Variants in RGS3 observed in about 807,000 individuals in gnomAD.
RGS3 encodes the protein regulator of G protein signaling 3, also known as regulator of G-protein signalling 3.
RGS3 carries 80 observed loss-of-function variants against 132.6 expected under a neutral mutation model. The ratio of observed to expected loss-of-function variants is 0.60; its 90% confidence interval spans 0.50 to 0.73. The LOEUF is 0.73. Ranked by LOEUF, RGS3 falls within the 30% of genes least tolerant of loss-of-function variation. RGS3 has a pLI of 0.00. For missense variants in RGS3, 1,382 were observed against 1,530.8 expected, an observed-to-expected ratio of 0.90 and a Z score of 1.62; for synonymous variants, 598 against 620.6, an observed-to-expected ratio of 0.96 and a Z score of 0.54.
chr9:113,532,235 C>T (rs1268386075), intron 18 of RGS3, among the ~76,000 whole-genome samples: 1 of 152,184 alleles, frequency 6.6e-6, no homozygotes, highest in East Asian at 1.9e-4. Context: ...CGAGTTGGAT[C>T]ACACCCTGGA....
intron 1 of RGS3, among the ~76,000 whole-genome samples, chr9:113,447,329 G>GTGTATATATATATATATATA (rs1554751009): frequency 4.7e-4 from 13 of 27,556 alleles, no homozygotes; most frequent in East Asian, 3.8e-3. Flanking sequence ...GTATGTATAT[G>GTGTATATATATATATATATA]TATATATATA....
chr9:113,459,930 C>T (rs1200000347), upstream of RGS3, among the ~76,000 whole-genome samples: 1 of 151,586 alleles, frequency 6.6e-6, no homozygotes, highest in African/African-American at 2.4e-5. Flanking sequence ...ATCTCAGCTA[C>T]TCGGAAGGCT....
chr9:113,530,861 T>A (rs1222238996), intron 18 of RGS3, among the ~76,000 whole-genome samples: 2 of 152,162 alleles, frequency 1.3e-5, no homozygotes, highest in African/African-American at 4.8e-5. Context: ...GTACTATAAT[T>A]CAGGGAAGAC....
intron 5 of RGS3, among the ~76,000 whole-genome samples, 191 bp downstream of exon 3, chr9:113,483,308 C>T (rs1334727549): frequency 6.6e-6 from 1 of 152,182 alleles, no homozygotes; most frequent in Non-Finnish European, 1.5e-5. Context: ...CGGCTGGGTC[C>T]CTGGGGCTTC....
At chr9:113,531,292 T>C (rs1310339909) in intron 18 of RGS3, among the ~76,000 whole-genome samples, 2 of 152,232 alleles carry the variant, frequency 1.3e-5, no homozygotes, top group East Asian at 1.9e-4. Context: ...GACTATTCTC[T>C]AACCTAGAAT....
chr9:113,594,201 C>A (rs373308593), intron 21 of RGS3: 1 of 1,612,826 alleles, frequency 6.2e-7, no homozygotes, highest in Non-Finnish European at 8.5e-7. Flanking sequence ...GCCCAGGACG[C>A]GGGGTGGGGG....
chr9:113,461,221 G>A (rs898158601), intron 1 of RGS3, among the ~76,000 whole-genome samples: 2 of 152,166 alleles, frequency 1.3e-5, no homozygotes, highest in Non-Finnish European at 2.9e-5. Context: ...TGTGTGGAGT[G>A]TGTGTGCACA....
intron 1 of RGS3, among the ~76,000 whole-genome samples, chr9:113,450,964 G>A (rs145547949): frequency 1.1e-4 from 17 of 152,196 alleles, no homozygotes; most frequent in South Asian, 2.1e-4. Flanking sequence ...CGGATCACGA[G>A]GTCAGGAGTT....
upstream of RGS3, among the ~76,000 whole-genome samples, chr9:113,458,774 CAG>C (rs1281836946): frequency 2.0e-5 from 3 of 152,042 alleles, no homozygotes; most frequent in East Asian, 1.9e-4. Flanking sequence ...TTTTTTGAGA[CAG>C]AGTCTTGCTC....
chr9:113,587,918 C>A (rs916580669), intron 20 of RGS3, among the ~76,000 whole-genome samples: 17 of 152,254 alleles, frequency 1.1e-4, no homozygotes, highest in African/African-American at 3.6e-4. Flanking sequence ...CCCCTGCCTT[C>A]CTGGCTGCTC....
In RGS3 at chr9:113,450,053, CTTTTTA is replaced by C. The variant is rs1024334702; in HGVS notation, c.-13+5137_-13+5142del. Among the ~76,000 whole-genome samples, 210 of 148,844 alleles carry C rather than the reference CTTTTTA, an allele frequency of 1.4e-3. 1 individual carries two copies. The highest frequency in any genetic ancestry group is 5.0e-3 in the African/African-American group (202 of 40,304). The stretch of plus-strand genomic sequence containing the variant: ...AGCCACCATGCCTGGCCAGATTTTG[CTTTTTA>C]TTTTTATTTTATTTATTTTTACTTT... On this transcript the variant is annotated intron_variant, in intron 1 of 25. Coordinates refer to the RGS3 transcript ENST00000374140.
At chr9:113,597,038 G>T (rs1051989728) in exon 25 of RGS3, 2 of 1,227,662 alleles carry the variant, frequency 1.6e-6, no homozygotes, top group Non-Finnish European at 2.3e-6. Flanking sequence ...TGACGGAGGG[G>T]GCAAGCAAGC....
chr9:113,559,690 C>T (rs1337166226), intron 19 of RGS3, among the ~76,000 whole-genome samples: 1 of 152,196 alleles, frequency 6.6e-6, no homozygotes, highest in Non-Finnish European at 1.5e-5. Context: ...GCCTGCTGGG[C>T]TTCCGCCTTG....
rs771230460 is a variant in RGS3, at chr9:113,463,796, G to A, written c.415+1595G>A. 4.4e-6 allele frequency: 7 copies of A among 1,607,280 alleles called. No homozygotes were observed. Among genetic ancestry groups the A allele is most frequent in the Non-Finnish European group, 5.1e-6 (6 of 1,177,638 alleles). ...AGACGCTCCTGTCCGGGTCGCAGTGGGACGCCATGGAGCGCTCCCTGCACC... is the reference window on the plus strand; with the variant it reads ...AGACGCTCCTGTCCGGGTCGCAGTGAGACGCCATGGAGCGCTCCCTGCACC... On this transcript the variant is annotated intron_variant, in intron 3 of 24. Transcript: ENST00000350696. This position sits in a 1 kb window ranked among gnomAD's most constrained non-coding sequence, Gnocchi z 4.6.
chr9:113,479,678 A>G lies in RGS3; in HGVS notation c.466+137A>G, dbSNP rs1326889508. The G allele has an allele frequency of 2.5e-5, 20 of 789,252 alleles. 1 individual carries two copies. The highest frequency in any genetic ancestry group is 9.9e-5 in the East Asian group (4 of 40,272). The allele number at this position is 789,252 out of a possible 1,614,324, so 48.9% of individuals were successfully genotyped here. ...CCTTGTATAAAGGATGTGTCCATTG[A>G]TAAAAGCCAGTATTCACCTGGGGCT... On this transcript the variant is annotated intron_variant, in intron 4 of 24. Transcript: ENST00000350696.
intron 7 of RGS3, among the ~76,000 whole-genome samples, chr9:113,486,456 G>GAC (rs1830336949): frequency 6.6e-6 from 1 of 152,246 alleles, no homozygotes; most frequent in Admixed American, 6.5e-5. Flanking sequence ...GGCAGTGCAG[G>GAC]ACACAGGAGG....
rs199923884 is a variant in RGS3 at position 113,594,911 on chromosome 9, C to A, written c.3183-8C>A. ...TGCCCTCACTGTGTTTCCTCCCTCA[C>A]CCCTCAGGCCCACCTCAGAGGAAGC... On this transcript the variant is annotated splice_polypyrimidine_tract_variant and splice_region_variant and intron_variant, in intron 22 of 24. Coordinates refer to ENST00000350696, the Ensembl canonical transcript of RGS3. The A allele has an allele frequency of 4.9e-4, 792 of 1,613,774 alleles. No individual in the cohort carries two copies. The highest frequency in any genetic ancestry group is 6.6e-4 in the Non-Finnish European group (773 of 1,179,720).
chr9:113,555,972 A>G (rs1354814815), intron 19 of RGS3, among the ~76,000 whole-genome samples: 1 of 152,100 alleles, frequency 6.6e-6, no homozygotes, highest in Non-Finnish European at 1.5e-5. Flanking sequence ...ATTTTTCCAG[A>G]AAGGGTCTGT....
At chr9:113,584,050 G>A (rs1834974779) in exon 20 of RGS3, 3 of 1,614,168 alleles carry the variant, frequency 1.9e-6, no homozygotes, top group African/African-American at 1.3e-5. Flanking sequence ...GGGAGATGAG[G>A]AGGATGCAGA....
Sources: allele counts gnomAD v4.1 joint callset (sites outside exome capture counted in the v4.1 genomes callset), GRCh38; gene constraint gnomAD v4.1.1; non-coding constraint Gnocchi (gnomAD v3.1); transcripts MANE v1.5; gene names NCBI Gene and HGNC (gene_info 2026-07-23, HGNC 2026-07-21).